Variants in LRRC4C observed in about 807,000 individuals in gnomAD.
The protein encoded by LRRC4C is leucine-rich repeat-containing protein 4C.
Under a neutral mutation model 33.6 loss-of-function variants are expected in LRRC4C, and 5 were observed. That is an observed-to-expected ratio of 0.15 (90% CI 0.08 to 0.31). The LOEUF (loss-of-function observed/expected upper bound fraction) is 0.31, where lower values mean the gene tolerates loss of function less well. LRRC4C is among the 10% of genes least tolerant of loss of function. The probability of loss-of-function intolerance (pLI) is 1.00; values close to 1 mark genes in which losing one functional copy is unlikely to be tolerated. For synonymous variants in LRRC4C, 329 were observed against 302.0 expected (o/e 1.09, Z -0.93); for missense variants, 560 against 796.7 (o/e 0.70, Z 3.58).
At chr11:40,936,014 TTATA>T (rs56879078) in intron 1 of LRRC4C, among the ~76,000 whole-genome samples, 651 of 48,828 alleles carry the variant, frequency 0.013, 10 homozygotes, top group East Asian at 0.017. Flanking sequence ...ATGCCAAATT[TTATA>T]TATATATATA....
At chr11:41,435,855 A>G (rs1955406809) in intron 1 of LRRC4C, among the ~76,000 whole-genome samples, 1 of 152,242 alleles carries the variant, frequency 6.6e-6, no homozygotes, top group African/African-American at 2.4e-5. Context: ...TTAACACAAG[A>G]CTTCTTGAAT....
At chr11:40,880,766 A>T (rs1955133187) in intron 2 of LRRC4C, among the ~76,000 whole-genome samples, 1 of 151,368 alleles carries the variant, frequency 6.6e-6, no homozygotes, top group African/African-American at 2.4e-5. Context: ...TAGGTAAAGT[A>T]TTTTTTTGAT....
intron 1 of LRRC4C, among the ~76,000 whole-genome samples, chr11:41,404,091 A>C (rs922746960): frequency 8.5e-5 from 13 of 152,226 alleles, no homozygotes; most frequent in Middle Eastern, 3.4e-3. Context: ...TGGTGATGCC[A>C]ACAGTGGTAC....
intron 2 of LRRC4C, among the ~76,000 whole-genome samples, chr11:40,854,024 TCTC>T (rs5791405): frequency 0.039 from 5,965 of 152,234 alleles, 239 homozygotes; most frequent in African/African-American, 0.1. Context: ...ACTACTCTCT[TCTC>T]AAACGATGCC....
intron 1 of LRRC4C, among the ~76,000 whole-genome samples, chr11:41,387,771 T>C (rs774001748): frequency 1.3e-5 from 2 of 151,832 alleles, no homozygotes; most frequent in Non-Finnish European, 2.9e-5. Context: ...TAGTTATATA[T>C]GTTAGCTGCA....
intron 1 of LRRC4C, among the ~76,000 whole-genome samples, chr11:41,011,799 TA>T (rs56021850): frequency 0.022 from 3,101 of 142,294 alleles, 115 homozygotes; most frequent in African/African-American, 0.071. Context: ...CACTTAAAAT[TA>T]AAAAAAAAAT....
At chr11:40,600,240 T>C (rs1328142826) in intron 3 of LRRC4C, among the ~76,000 whole-genome samples, 1 of 152,228 alleles carries the variant, frequency 6.6e-6, no homozygotes, top group Non-Finnish European at 1.5e-5. Context: ...TTCCAGATAC[T>C]ATGCTAAATC....
At chr11:40,396,766 C>A (rs182091799) in intron 3 of LRRC4C, among the ~76,000 whole-genome samples, 47 of 152,170 alleles carry the variant, frequency 3.1e-4, no homozygotes, top group African/African-American at 1.1e-3. Context: ...CTTTCACCTG[C>A]CTTTTGAAAC....
intron 1 of LRRC4C, among the ~76,000 whole-genome samples, chr11:41,016,238 T>C (rs143862502): frequency 1.3e-5 from 2 of 152,070 alleles, no homozygotes; most frequent in African/African-American, 4.8e-5. Flanking sequence ...CACATAAGGG[T>C]TTAATGCATT....
rs1231651888 is a variant in LRRC4C, at chr11:41,114,975, T to C, written c.-495-181252A>G. Among the ~76,000 whole-genome samples the C allele has an allele frequency of 3.3e-5, 5 of 152,206 alleles. No individual in the cohort carries two copies. The South Asian group carries it at 1.0e-3, about 32-fold the overall frequency. ...AATAACACAGTGGAGGAGGAGTAGA[T>C]GAGGGCCGGGATAAAACAGGACTGG... On this transcript the variant is annotated intron_variant, in intron 1 of 6. Transcript: ENST00000528697.
At chr11:40,728,067 A>G (rs1239756254) in intron 2 of LRRC4C, among the ~76,000 whole-genome samples, 2 of 152,008 alleles carry the variant, frequency 1.3e-5, no homozygotes, top group Non-Finnish European at 2.9e-5. Context: ...CACGAATCAT[A>G]AGTGAAATAC....
At chr11:40,797,931 C>T (rs570880522) in intron 2 of LRRC4C, among the ~76,000 whole-genome samples, 8 of 152,246 alleles carry the variant, frequency 5.3e-5, no homozygotes, top group African/African-American at 1.9e-4. Flanking sequence ...TAGCCAAATT[C>T]CCTAAAGTAT....
chr11:40,457,703 G>C (rs2138151445), intron 3 of LRRC4C, among the ~76,000 whole-genome samples: 1 of 152,192 alleles, frequency 6.6e-6, no homozygotes, highest in African/African-American at 2.4e-5. Flanking sequence ...GCAATTTGTT[G>C]AGTCTTTGAT....
At position 40,728,331 on chromosome 11, in the gene LRRC4C, C is replaced by T. The variant is rs180984626; in HGVS notation, c.-406-80053G>A. Among the ~76,000 whole-genome samples the T allele has an allele frequency of 1.5e-3, 227 of 151,798 alleles. 3 individuals are homozygous for T. The highest frequency in any genetic ancestry group is 2.8e-3 in the Admixed American group (42 of 15,234). ...AAGAAAAGAAATCATTTTGGCCGGG[C>T]GCAGTGGCTCAAGCCTGTAATCCCA... On this transcript the variant is annotated intron_variant, in intron 2 of 6. Coordinates refer to ENST00000528697, the MANE Select transcript of LRRC4C (RefSeq NM_001258419.2).
At position 40,542,730 on chromosome 11, in the gene LRRC4C, C is replaced by A. The variant is rs11035913; in HGVS notation, c.-270+105412G>T. Among the ~76,000 whole-genome samples, 1,015 of 151,988 alleles carry A rather than the reference C, an allele frequency of 6.7e-3. 16 individuals are homozygous for A. Among genetic ancestry groups the A allele is most frequent in the African/African-American group, 0.023 (973 of 41,412 alleles). On this transcript the variant is annotated intron_variant, in intron 3 of 6. Coordinates refer to ENST00000528697, the MANE Select transcript of LRRC4C (RefSeq NM_001258419.2). Reference sequence around the variant, plus strand: ...TCATCCCTTCAAGGATGTGTATGGCCCAGACCCACATTCTAAATGTATAGT... The same window carrying A: ...TCATCCCTTCAAGGATGTGTATGGCACAGACCCACATTCTAAATGTATAGT...
At chr11:41,230,774 A>C (rs964911620) in intron 1 of LRRC4C, among the ~76,000 whole-genome samples, 16 of 152,070 alleles carry the variant, frequency 1.1e-4, no homozygotes, top group Admixed American at 9.2e-4. Context: ...ATTAAACTAA[A>C]GAGCTTCTGC....
intron 2 of LRRC4C, among the ~76,000 whole-genome samples, chr11:40,759,295 G>GTA (rs1333323143): frequency 2.0e-5 from 3 of 147,270 alleles, no homozygotes; most frequent in Non-Finnish European, 4.5e-5. Flanking sequence ...CCATATATAT[G>GTA]TATATATATC....
rs1957043604 is a variant in LRRC4C, at chr11:40,918,309, G to T, written c.-407+15326C>A. 2.6e-5 allele frequency among the ~76,000 whole-genome samples: 4 copies of T among 152,066 alleles called. No individual in the cohort carries two copies. The South Asian group carries it at 8.3e-4, about 31-fold the overall frequency. On this transcript the variant is annotated intron_variant, in intron 2 of 6. Coordinates refer to ENST00000528697, the MANE Select transcript of LRRC4C (RefSeq NM_001258419.2). ...ATATGTGGGATATGTGTGTGCATGT[G>T]TGTGTGTGCACCTTTGTGCATGTGT...
chr11:40,484,121 A>G (rs77616136), intron 3 of LRRC4C, among the ~76,000 whole-genome samples: 194 of 152,260 alleles, frequency 1.3e-3, no homozygotes, highest in African/African-American at 4.5e-3. Flanking sequence ...TGGTAGAAGT[A>G]AAAAATGTAC....
Sources: gnomAD v4.1 joint callset for allele counts (sites outside exome capture counted in the v4.1 genomes callset) on GRCh38, gnomAD v4.1.1 for gene constraint, MANE v1.5 for transcripts, NCBI Gene and HGNC (gene_info 2026-07-23, HGNC 2026-07-21) for gene names.